The following NFU1 variants were observed in gnomAD, a reference collection of about 807,000 sequenced individuals.
The protein encoded by NFU1 is NFU1 iron-sulfur cluster scaffold homolog, mitochondrial.
In NFU1, 30 loss-of-function variants were observed where a neutral mutation model predicts 32.2. The observed-to-expected ratio is 0.93, with a 90% CI of 0.70 to 1.26. The LOEUF is 1.26. Ranked by LOEUF, NFU1 falls within the 50% of genes most tolerant of loss-of-function variation. The pLI, the probability that NFU1 is intolerant of heterozygous loss-of-function variation, is 0.00. For synonymous variants in NFU1, 112 were observed against 104.6 expected, an observed-to-expected ratio of 1.07 and a Z score of -0.43; for missense variants, 306 against 306.6, an observed-to-expected ratio of 1.00 and a Z score of 0.02.
At chr2:69,402,112 C>T (rs1672542012) in intron 6 of NFU1, among the ~76,000 whole-genome samples, 1 of 152,134 alleles carries the variant, frequency 6.6e-6, no homozygotes, top group African/African-American at 2.4e-5. Flanking sequence ...CCAAGCTGAT[C>T]TTGAACTCCT....
intron 5 of NFU1, among the ~76,000 whole-genome samples, chr2:69,412,827 C>A: frequency 7.2e-6 from 1 of 138,746 alleles, no homozygotes; most frequent in Non-Finnish European, 1.5e-5. Flanking sequence ...CACTGCACTC[C>A]AGTTTGGGTG....
chr2:69,437,658 A>T, upstream of NFU1: 1 of 623,798 alleles, frequency 1.6e-6, no homozygotes. Flanking sequence ...TAATTCACGC[A>T]GCACTGTGAA....
intron 1 of NFU1, among the ~76,000 whole-genome samples, chr2:69,434,528 A>G (rs944621766): frequency 2.0e-5 from 3 of 152,242 alleles, no homozygotes; most frequent in African/African-American, 7.2e-5. Flanking sequence ...AGAAAATGAA[A>G]GCAAATATTA....
chr2:69,409,598 G>A (rs1672811559), intron 5 of NFU1, among the ~76,000 whole-genome samples: 1 of 152,180 alleles, frequency 6.6e-6, no homozygotes, highest in African/African-American at 2.4e-5. Context: ...GTCTAGAAAA[G>A]TTGAAGACTT....
rs1053424248 is a variant in NFU1 at position 69,416,283 on chromosome 2, CTTA to C, written c.370-987_370-985del. 47 of 147,334 alleles carry C rather than the reference CTTA, an allele frequency of 3.2e-4. 1 individual carries two copies. Among genetic ancestry groups the C allele is most frequent in the South Asian group, 6.3e-4 (3 of 4,738 alleles). The allele number at this position is 147,334 out of a possible 1,614,324, so 9.1% of individuals were successfully genotyped here. ...GATCCCCCATTCATTAATTCATTCACTTATTATTATTAATAATATAATTATAAT... is the reference window on the plus strand; with the variant it reads ...GATCCCCCATTCATTAATTCATTCACTTATTATTAATAATATAATTATAAT... On this transcript the variant is annotated intron_variant, in intron 4 of 7. Transcript: ENST00000410022.
At chr2:69,435,575 T>C (rs935300557) in intron 1 of NFU1, among the ~76,000 whole-genome samples, 3 of 152,162 alleles carry the variant, frequency 2.0e-5, no homozygotes, top group African/African-American at 7.2e-5. Context: ...TGGGATACTG[T>C]GGGACTGTAA....
At position 69,419,581 on chromosome 2, in the gene NFU1, A is replaced by G; in HGVS notation, c.326T>C (p.Val109Ala). ...ATCTGGTCCAAAGAAGACACTTTTTACTCCTTCAATCCTAAATAACTGCCT... is the reference window on the plus strand; with the variant it reads ...ATCTGGTCCAAAGAAGACACTTTTTGCTCCTTCAATCCTAAATAACTGCCT... Reference protein sequence around the residue: ...LARQLFRIEGVKSVFFGPDFI... With the variant: ...LARQLFRIEGAKSVFFGPDFI... Residue 109 changes from valine to alanine, a missense_variant, in exon 4 of 8, where the codon GTA becomes GCA. Transcript: ENST00000410022. 1.9e-6 allele frequency: 3 copies of G among 1,588,894 alleles called. No individual in the cohort carries two copies. The highest frequency in any genetic ancestry group is 2.6e-6 in the Non-Finnish European group (3 of 1,158,404).
intron 1 of NFU1, among the ~76,000 whole-genome samples, chr2:69,433,079 G>A (rs1181159039): frequency 1.3e-5 from 1 of 78,136 alleles, no homozygotes; most frequent in Non-Finnish European, 2.4e-5. Context: ...GAACCCAGGA[G>A]GCGTAGGTTG....
chr2:69,416,287 T>C lies in NFU1; in HGVS notation c.370-988A>G, dbSNP rs549013229. 120 of 147,892 alleles carry C rather than the reference T, an allele frequency of 8.1e-4. 1 individual carries two copies. In the East Asian group the frequency reaches 0.011, roughly 13 times the overall value. 9.2% of individuals were successfully genotyped at this position (147,892 alleles called of 1,614,324 possible). On this transcript the variant is annotated intron_variant, in intron 4 of 7. Coordinates refer to ENST00000410022, the MANE Select transcript of NFU1 (RefSeq NM_001002755.4). Reference sequence around the variant, plus strand: ...CCCCATTCATTAATTCATTCACTTATTATTATTAATAATATAATTATAATT... The same window carrying C: ...CCCCATTCATTAATTCATTCACTTACTATTATTAATAATATAATTATAATT...
At chr2:69,400,651 A>G (rs1384461203) in intron 6 of NFU1, 113 bp from the exon 7 acceptor site, 5 of 899,322 alleles carry the variant, frequency 5.6e-6, no homozygotes, top group Non-Finnish European at 8.8e-6. Context: ...ACAAAGTTAG[A>G]GCTACTTTTA....
intron 2 of NFU1, among the ~76,000 whole-genome samples, chr2:69,424,501 A>T (rs899603985): frequency 2.6e-5 from 4 of 151,888 alleles, no homozygotes; most frequent in Non-Finnish European, 4.4e-5. Flanking sequence ...TATTGCCCAG[A>T]CTGGTCCCAA....
upstream of NFU1, among the ~76,000 whole-genome samples, chr2:69,438,895 AC>A (rs1158360032): frequency 3.6e-5 from 1 of 27,402 alleles, no homozygotes; most frequent in African/African-American, 1.9e-4. Context: ...CCCCCATCCA[AC>A]CCCCCACCCA....
At chr2:69,439,425 G>A (rs1190048628), upstream of NFU1, among the ~76,000 whole-genome samples, 2 of 152,328 alleles carry the variant, frequency 1.3e-5, no homozygotes, top group South Asian at 2.1e-4. Context: ...ACTGACTTCA[G>A]GAGTGAAGCT....
At chr2:69,422,228 C>G (rs1291668389) in intron 3 of NFU1, among the ~76,000 whole-genome samples, 3 of 152,092 alleles carry the variant, frequency 2.0e-5, no homozygotes, top group Non-Finnish European at 2.9e-5. Flanking sequence ...AATTTATGCC[C>G]TGGGGAGGAC....
At chr2:69,424,866 C>T (rs1402309470) in intron 2 of NFU1, among the ~76,000 whole-genome samples, 2 of 143,634 alleles carry the variant, frequency 1.4e-5, no homozygotes, top group Non-Finnish European at 3.0e-5. Flanking sequence ...ATGCCAAATA[C>T]AGGGTCAAAC....
chr2:69,413,200 G>A (rs1186084316), intron 5 of NFU1, among the ~76,000 whole-genome samples: 3 of 151,472 alleles, frequency 2.0e-5, no homozygotes, highest in South Asian at 2.1e-4. Context: ...CAGGAGAATC[G>A]CTTGAACCCA....
At chr2:69,439,489 G>A (rs568886270), upstream of NFU1, among the ~76,000 whole-genome samples, 22 of 152,354 alleles carry the variant, frequency 1.4e-4, no homozygotes, top group African/African-American at 5.3e-4. Flanking sequence ...GGCCCAAAGA[G>A]TGAGCCACAT....
At chr2:69,413,750 C>T (rs1672965760) in intron 5 of NFU1, among the ~76,000 whole-genome samples, 1 of 114,890 alleles carries the variant, frequency 8.7e-6, no homozygotes, top group South Asian at 2.7e-4. Context: ...CAGAGCAAGA[C>T]TCTGTCTCAA....
intron 5 of NFU1, among the ~76,000 whole-genome samples, chr2:69,414,028 C>G (rs1210660942): frequency 1.3e-5 from 2 of 152,054 alleles, no homozygotes. Flanking sequence ...GCCTGGGCAA[C>G]AGAGCAAGAC....
Sources: gnomAD v4.1 joint callset for allele counts (sites outside exome capture counted in the v4.1 genomes callset) on GRCh38, gnomAD v4.1.1 for gene constraint, MANE v1.5 for transcripts, NCBI Gene and HGNC (gene_info 2026-07-23, HGNC 2026-07-21) for gene names.